The following ATM variants were observed in gnomAD, a reference collection of about 807,000 sequenced individuals.
The protein encoded by ATM is ATM serine/threonine kinase, also known as serine-protein kinase ATM.
A neutral mutation model predicts 387.0 loss-of-function variants in ATM; 308 were observed. The observed-to-expected ratio is 0.80, with a 90% CI of 0.73 to 0.87. The LOEUF is 0.87. Ranked by LOEUF, ATM falls within the 40% of genes least tolerant of loss-of-function variation. The probability of loss-of-function intolerance (pLI) is 0.00; values close to 1 mark genes in which losing one functional copy is unlikely to be tolerated. For synonymous variants in ATM, 1,156 were observed against 1,187.3 expected (o/e 0.97, Z 0.54); for missense variants, 3,312 against 3,560.9 (o/e 0.93, Z 1.78).
rs1555114558 is a variant in ATM, at chr11:108,317,377, T to C, written c.6203T>C (p.Leu2068Ser). ...STRQAGIIQA[L>S]QNLGLCHILS... The stretch of plus-strand genomic sequence containing the variant: ...AACAAAATAACTCCTGTTTAGGCCT[T>C]GCAGAATTTGGGACTCTGCCATATT... The change falls in exon 43 of 63, where the codon TTG (leucine) becomes TCG (serine). Residue 2068 changes from leucine (L) to serine (S), a missense_variant. Physicochemically the swap from Leu to Ser is moderately radical, Grantham distance 145. This residue lies in a region of ATM where 1,405 missense variants were observed against 1,604.4 expected (regional missense o/e 0.88). Coordinates refer to ENST00000675843, the MANE Select transcript of ATM (RefSeq NM_000051.4). 1 of 1,611,006 alleles carries C rather than the reference T, an allele frequency of 6.2e-7. No individual in the cohort carries two copies. Among genetic ancestry groups the C allele is most frequent in the Non-Finnish European group, 8.5e-7 (1 of 1,178,190 alleles).
At chr11:108,227,553 T>A (rs2078800859) in intron 1 of ATM, 42 bp from the exon 2 acceptor site, 1 of 1,216,566 alleles carries the variant, frequency 8.2e-7, no homozygotes, top group Non-Finnish European at 1.2e-6. Flanking sequence ...TATATGCATA[T>A]ATACATATAC....
chr11:108,345,373 GTTCT>G (rs1358045386), intron 57 of ATM, among the ~76,000 whole-genome samples: 1 of 152,190 alleles, frequency 6.6e-6, no homozygotes, highest in Non-Finnish European at 1.5e-5. Flanking sequence ...GGATTCTTCT[GTTCT>G]TTCTCTTTTC....
intron 29 of ATM, 93 bp downstream of exon 29, chr11:108,289,894 C>G (rs1406510578): frequency 1.6e-6 from 2 of 1,249,204 alleles, no homozygotes; most frequent in African/African-American, 1.5e-5. Flanking sequence ...GAGACAAAGA[C>G]TCACTCTGTC....
intron 31 of ATM, 142 bp from the exon 32 acceptor site, chr11:108,294,785 T>A: frequency 1.2e-6 from 1 of 854,828 alleles, no homozygotes; most frequent in Non-Finnish European, 1.9e-6. Flanking sequence ...GAAGAAATCA[T>A]TTATTTCTTC....
chr11:108,227,531 T>G, intron 1 of ATM, 64 bp from the exon 2 acceptor site: 1 of 1,038,296 alleles, frequency 9.6e-7, no homozygotes, highest in Admixed American at 1.8e-5. Context: ...TTTTCACACC[T>G]CTTTCTCTCT....
At position 108,319,933 on chromosome 11, in the gene ATM, TTTCTTTGACTTATCTC is replaced by T; in HGVS notation, c.6348-20_6348-5del. The T allele has an allele frequency of 6.5e-7, 1 of 1,542,600 alleles. No homozygotes were observed. Among genetic ancestry groups the T allele is most frequent in the Non-Finnish European group, 9.0e-7 (1 of 1,115,210 alleles). On this transcript the variant is annotated splice_region_variant and splice_polypyrimidine_tract_variant and intron_variant, in intron 43 of 62. Coordinates refer to ENST00000675843, the MANE Select transcript of ATM (RefSeq NM_000051.4). ...AGGGTTCTGTTTTTAAGTATATTTT[TTTCTTTGACTTATCTC>T]ACAGCAAAGAAGTAGAAGGAACCAG...
rs1451969353 is a variant in ATM at position 108,270,481 on chromosome 11, A to G, written c.2839-583A>G. On this transcript the variant is annotated intron_variant, in intron 18 of 62. Coordinates refer to ENST00000675843, the MANE Select transcript of ATM (RefSeq NM_000051.4). ...CTCTAATCCTCACAGTTATCTGGCC[A>G]GGTAAGTGATATATCTTCACTCTAC... Among the ~76,000 whole-genome samples the G allele has an allele frequency of 6.6e-6, 1 of 152,162 alleles. No homozygotes were observed. The highest frequency in any genetic ancestry group is 1.5e-5 in the Non-Finnish European group (1 of 68,030).
intron 36 of ATM, 136 bp downstream of exon 36, chr11:108,303,165 G>A (rs1358357021): frequency 2.7e-5 from 25 of 939,166 alleles, no homozygotes; most frequent in Admixed American, 5.1e-5. Context: ...GTGAGCATCC[G>A]TATTTAGTCA....
intron 61 of ATM, among the ~76,000 whole-genome samples, chr11:108,360,776 A>T: frequency 9.1e-6 from 1 of 109,608 alleles, no homozygotes; most frequent in African/African-American, 3.8e-5. Flanking sequence ...TCAATAAATT[A>T]GGTATTGATG....
At chr11:108,335,795 T>A (rs762648668) in intron 55 of ATM, 50 bp from the exon 56 acceptor site, 1 of 1,478,066 alleles carries the variant, frequency 6.8e-7, no homozygotes, top group African/African-American at 1.4e-5. Context: ...CTCTGTGTTT[T>A]TATAATAAAA....
chr11:108,240,631 T>C (rs2079509599), intron 5 of ATM, among the ~76,000 whole-genome samples: 1 of 152,140 alleles, frequency 6.6e-6, no homozygotes, highest in African/African-American at 2.4e-5. Context: ...TCTAAACATA[T>C]ATAAACATAG....
chr11:108,318,030 G>A (rs185605042), intron 43 of ATM, among the ~76,000 whole-genome samples: 145 of 152,080 alleles, frequency 9.5e-4, no homozygotes, highest in Middle Eastern at 3.4e-3. Context: ...ATCCACAAAG[G>A]ACTGCTTATC....
chr11:108,232,041 CAT>C (rs2079039845), intron 4 of ATM, among the ~76,000 whole-genome samples: 1 of 152,144 alleles, frequency 6.6e-6, no homozygotes, highest in African/African-American at 2.4e-5. Flanking sequence ...AGAAAGATAA[CAT>C]GTCAATTTTG....
chr11:108,358,406 C>G (rs1424859179), intron 61 of ATM, among the ~76,000 whole-genome samples: 1 of 149,468 alleles, frequency 6.7e-6, no homozygotes, highest in Non-Finnish European at 1.5e-5. Context: ...CCCAATCTAG[C>G]AAGGCAGGCC....
intron 59 of ATM, among the ~76,000 whole-genome samples, chr11:108,349,218 AG>A (rs2088868881): frequency 6.6e-6 from 1 of 152,252 alleles, no homozygotes; most frequent in Admixed American, 6.5e-5. Flanking sequence ...TATCTGATAC[AG>A]AAAGGTCAGA....
At chr11:108,288,879 G>T (rs890329049) in intron 27 of ATM, 98 bp from the exon 28 acceptor site, 1 of 1,422,886 alleles carries the variant, frequency 7.0e-7, no homozygotes, top group South Asian at 1.2e-5. Context: ...TTTGAATTTG[G>T]GGGTTATTAA....
intron 10 of ATM, among the ~76,000 whole-genome samples, chr11:108,251,402 A>G (rs184432867): frequency 2.6e-5 from 4 of 152,354 alleles, no homozygotes; most frequent in Non-Finnish European, 4.4e-5. Context: ...GTGATGGGAT[A>G]TCAGCACCCT....
intron 15 of ATM, among the ~76,000 whole-genome samples, chr11:108,258,192 G>C (rs2080627457): frequency 3.3e-5 from 5 of 152,184 alleles, no homozygotes; most frequent in Admixed American, 3.3e-4. Flanking sequence ...TACCATATCT[G>C]TTCACATTCA....
rs771378101 is a variant in ATM at position 108,227,666 on chromosome 11, A to G, written c.42A>G (p.Gln14=). The change falls in exon 2 of 63, where the codon CAA becomes CAG. Residue 14 remains glutamine, a synonymous_variant. Coordinates refer to ENST00000675843, the MANE Select transcript of ATM (RefSeq NM_000051.4). ...VLNDLLICCR[Q]LEHDRATERK... ...ATGATCTGCTTATCTGCTGCCGTCA[A>G]CTAGAACATGATAGAGCTACAGAAC... 6.2e-6 allele frequency: 10 copies of G among 1,613,758 alleles called. No individual in the cohort carries two copies. The highest frequency in any genetic ancestry group is 1.3e-5 in the African/African-American group (1 of 74,910).
Sources: gnomAD v4.1 joint callset for allele counts (sites outside exome capture counted in the v4.1 genomes callset) on GRCh38, gnomAD v4.1.1 for gene constraint, gnomAD v4.1.1 regional missense constraint, MANE v1.5 for transcripts, NCBI Gene and HGNC (gene_info 2026-07-23, HGNC 2026-07-21) for gene names.